ARHGAP22: variants seen among roughly 807,000 people sequenced by gnomAD.
The protein encoded by ARHGAP22 is rho GTPase-activating protein 22.
Under a neutral mutation model 59.1 loss-of-function variants are expected in ARHGAP22, and 48 were observed. The observed-to-expected ratio is 0.81, with a 90% CI of 0.64 to 1.03. The LOEUF is 1.03. Ranked by LOEUF, ARHGAP22 falls within the 50% of genes least tolerant of loss-of-function variation. The pLI is 0.00. For synonymous variants in ARHGAP22, 445 were observed against 416.4 expected (o/e 1.07, Z -0.84); for missense variants, 1,015 against 958.7 (o/e 1.06, Z -0.78).
Position 48,450,269 on chromosome 10 carries a change from A to T in ARHGAP22, c.1860T>A (p.Ser620Arg). Residue 620 changes from serine (S) to arginine (R), a missense_variant, in exon 9 of 10, where the codon AGT becomes AGA. Ser to Arg is a moderately radical substitution (Grantham distance 110). Coordinates refer to ENST00000249601, the MANE Select transcript of ARHGAP22 (RefSeq NM_021226.4). ...ACGGGGCAGCAAGTTACCTTTTCAC[A>T]CTCCTCTCGTACTCAGTCCGCTGGC... ...LCRQRTEYER[S>R]VKRIEEGSAD... 1 of 1,608,248 alleles carries T rather than the reference A, an allele frequency of 6.2e-7. No individual in the cohort carries two copies. The highest frequency in any genetic ancestry group is 8.5e-7 in the Non-Finnish European group (1 of 1,178,142).
intron 1 of ARHGAP22, among the ~76,000 whole-genome samples, chr10:48,641,462 A>G (rs1180548245): frequency 6.6e-6 from 1 of 152,226 alleles, no homozygotes; most frequent in Non-Finnish European, 1.5e-5. Context: ...AATAAATGTA[A>G]TCCAGCATAT....
At chr10:48,638,432 T>C (rs977365759) in intron 1 of ARHGAP22, among the ~76,000 whole-genome samples, 1 of 151,934 alleles carries the variant, frequency 6.6e-6, no homozygotes, top group African/African-American at 2.4e-5. Flanking sequence ...AGCTTAATGA[T>C]GAAGGGCCCT....
chr10:48,462,248 T>TGGGG (rs35916329), intron 4 of ARHGAP22, among the ~76,000 whole-genome samples: 1 of 54,606 alleles, frequency 1.8e-5, no homozygotes, highest in African/African-American at 6.4e-5. Flanking sequence ...CACTTCGGGG[T>TGGGG]GGGGGGGGGG....
chr10:48,515,866 GGTAT>G (rs1190253565), intron 3 of ARHGAP22, among the ~76,000 whole-genome samples: 3 of 152,068 alleles, frequency 2.0e-5, no homozygotes, highest in East Asian at 3.9e-4. Flanking sequence ...AGCATCTTTG[GGTAT>G]TTAGGGGTGA....
In ARHGAP22 at chr10:48,600,873, G is replaced by A. The variant is rs577260663; in HGVS notation, c.34+3890C>T. Among the ~76,000 whole-genome samples, 12 of 152,288 alleles carry A rather than the reference G, an allele frequency of 7.9e-5. No individual in the cohort carries two copies. In the South Asian group the frequency reaches 2.1e-3, roughly 26 times the overall value. On this transcript the variant is annotated intron_variant, in intron 1 of 9. Transcript: ENST00000249601. ...CCTGGCCTGGAAGTAGAGACTGCTGGGTGATTCCCTTTGGTCCTCCTTCTC... is the reference window on the plus strand; with the variant it reads ...CCTGGCCTGGAAGTAGAGACTGCTGAGTGATTCCCTTTGGTCCTCCTTCTC...
intron 2 of ARHGAP22, among the ~76,000 whole-genome samples, chr10:48,578,540 G>C (rs1428584591): frequency 6.6e-6 from 1 of 151,872 alleles, no homozygotes; most frequent in African/African-American, 2.4e-5. Context: ...GTGTGTGTGT[G>C]TGTGTGTGTG....
intron 1 of ARHGAP22, among the ~76,000 whole-genome samples, chr10:48,612,653 T>C (rs2060939530): frequency 1.3e-5 from 2 of 152,390 alleles, no homozygotes; most frequent in South Asian, 4.1e-4. Flanking sequence ...AACCTGGTCC[T>C]CCAGCTTACA....
In ARHGAP22 at chr10:48,518,909, T is replaced by C. The variant is rs572964321; in HGVS notation, c.322+36554A>G. Reference sequence around the variant, plus strand: ...GGGATGGCAAATTGGAGGAAAAGGATGAAATTGAGAATTCAGTTTTAGCCC... The same window carrying C: ...GGGATGGCAAATTGGAGGAAAAGGACGAAATTGAGAATTCAGTTTTAGCCC... On this transcript the variant is annotated intron_variant, in intron 3 of 9. Transcript: ENST00000249601. Among the ~76,000 whole-genome samples the C allele has an allele frequency of 3.3e-5, 5 of 152,324 alleles. No homozygotes were observed. The South Asian group carries it at 1.0e-3, about 32-fold the overall frequency.
intron 2 of ARHGAP22, among the ~76,000 whole-genome samples, chr10:48,561,229 G>A (rs2057668086): frequency 6.6e-6 from 1 of 152,114 alleles, no homozygotes; most frequent in Admixed American, 6.5e-5. Context: ...AATTGATTTT[G>A]ACAAAGGTGT....
chr10:48,464,500 G>A (rs1415679749), intron 4 of ARHGAP22, among the ~76,000 whole-genome samples: 3 of 152,238 alleles, frequency 2.0e-5, no homozygotes, highest in African/African-American at 7.2e-5. Flanking sequence ...AAGATGAGCA[G>A]GAAGAAGCCA....
At chr10:48,534,659 C>T (rs1195583074) in intron 3 of ARHGAP22, among the ~76,000 whole-genome samples, 1 of 152,208 alleles carries the variant, frequency 6.6e-6, no homozygotes, top group East Asian at 1.9e-4. Context: ...ACTCATTAAT[C>T]CCTGCAAGAA....
chr10:48,479,623 C>T lies in ARHGAP22; in HGVS notation c.451+13G>A, dbSNP rs768008009. The T allele has an allele frequency of 3.1e-6, 5 of 1,613,800 alleles. No homozygotes were observed. In the African/African-American group the frequency reaches 6.7e-5, roughly 22 times the overall value. On this transcript the variant is annotated intron_variant, in intron 4 of 9. Transcript: ENST00000249601. ...GGGTTCTAGAGGGTGGGCATGCGAT[C>T]TACGGGCAGTACCTCCGCCCAGCGG... is the stretch of plus-strand genomic sequence containing the variant.
intron 1 of ARHGAP22, among the ~76,000 whole-genome samples, chr10:48,616,921 G>A (rs941050798): frequency 4.6e-5 from 7 of 151,938 alleles, no homozygotes; most frequent in African/African-American, 1.4e-4. Flanking sequence ...TGACCATATA[G>A]GCAAATACGT....
At chr10:48,605,119 G>A, upstream of ARHGAP22, 3 of 1,248,172 alleles carry the variant, frequency 2.4e-6, no homozygotes, top group Non-Finnish European at 3.0e-6. Context: ...GCGCACGCGT[G>A]GCTGTCCAAG....
At chr10:48,523,685 G>A (rs886095319) in intron 3 of ARHGAP22, among the ~76,000 whole-genome samples, 2 of 151,944 alleles carry the variant, frequency 1.3e-5, no homozygotes, top group Non-Finnish European at 2.9e-5. Flanking sequence ...AGCGGGTCTG[G>A]GCGCCGGGGG....
Position 48,493,473 on chromosome 10 carries a change from G to A in ARHGAP22, c.323-13709C>T, listed in dbSNP as rs756691322. 2.0e-6 allele frequency: 3 copies of A among 1,536,104 alleles called. No homozygotes were observed. The South Asian group carries it at 3.6e-5, about 18-fold the overall frequency. ...TACGCCTGCTCCTCTTCAGACACCT[G>A]ATGGGCCAGAAGGGCATGGTGTGGA... On this transcript the variant is annotated intron_variant, in intron 3 of 9. Coordinates refer to ENST00000249601, the MANE Select transcript of ARHGAP22 (RefSeq NM_021226.4).
Position 48,525,087 on chromosome 10 carries a change from A to G in ARHGAP22, c.322+30376T>C, listed in dbSNP as rs147480314. On this transcript the variant is annotated intron_variant, in intron 3 of 9. Transcript: ENST00000249601. ...TTTTCATGAGAGTGTGTTCGGTGCA[A>G]TCACCTTGGAAGGTAACATGGAAGC... Among the ~76,000 whole-genome samples the G allele has an allele frequency of 1.9e-3, 286 of 152,312 alleles. 2 individuals carry two copies. The highest frequency in any genetic ancestry group is 6.5e-3 in the African/African-American group (270 of 41,570).
At chr10:48,506,082 C>A (rs1168010555) in intron 3 of ARHGAP22, among the ~76,000 whole-genome samples, 1 of 152,246 alleles carries the variant, frequency 6.6e-6, no homozygotes, top group Non-Finnish European at 1.5e-5. Flanking sequence ...GGTCAGGCAG[C>A]AGTGGGCCCT....
At chr10:48,533,147 G>A (rs2055018478) in intron 3 of ARHGAP22, among the ~76,000 whole-genome samples, 1 of 148,610 alleles carries the variant, frequency 6.7e-6, no homozygotes, top group Admixed American at 6.7e-5. Flanking sequence ...CAGCATTGCT[G>A]TTGCTATTCA....
Sources: gnomAD v4.1 joint callset for allele counts (sites outside exome capture counted in the v4.1 genomes callset) on GRCh38, gnomAD v4.1.1 for gene constraint, MANE v1.5 for transcripts, NCBI Gene and HGNC (gene_info 2026-07-23, HGNC 2026-07-21) for gene names.